The following FSIP1 variants were observed in gnomAD, a reference collection of about 807,000 sequenced individuals.
FSIP1 encodes fibrous sheath-interacting protein 1.
Under a neutral mutation model 60.9 loss-of-function variants are expected in FSIP1, and 65 were observed. The observed-to-expected ratio is 1.07, with a 90% CI of 0.87 to 1.31. The LOEUF (loss-of-function observed/expected upper bound fraction) is 1.31. Ranked by LOEUF, FSIP1 falls within the 40% of genes most tolerant of loss-of-function variation. The pLI, the probability that FSIP1 is intolerant of heterozygous loss-of-function variation, is 0.00. For synonymous variants in FSIP1, 209 were observed against 221.2 expected, an observed-to-expected ratio of 0.94 and a Z score of 0.49; for missense variants, 675 against 665.5, an observed-to-expected ratio of 1.01 and a Z score of -0.16.
intron 10 of FSIP1, among the ~76,000 whole-genome samples, chr15:39,626,836 T>C (rs1264481357): frequency 6.6e-6 from 1 of 152,172 alleles, no homozygotes; most frequent in Admixed American, 6.5e-5. Context: ...TGAATACAGT[T>C]AGACAAGGCT....
chr15:39,613,236 A>C (rs1033036563), intron 11 of FSIP1, among the ~76,000 whole-genome samples: 34 of 152,206 alleles, frequency 2.2e-4, no homozygotes, highest in African/African-American at 8.2e-4. Flanking sequence ...TGCTTATTTA[A>C]AACAAAACGA....
chr15:39,621,458 G>C (rs1211438953), intron 10 of FSIP1, among the ~76,000 whole-genome samples: 1 of 152,180 alleles, frequency 6.6e-6, no homozygotes, highest in Non-Finnish European at 1.5e-5. Flanking sequence ...ACTAGAACCT[G>C]GGCTTCTATC....
chr15:39,680,308 A>C (rs1894109384), intron 10 of FSIP1, among the ~76,000 whole-genome samples: 1 of 152,250 alleles, frequency 6.6e-6, no homozygotes, highest in Non-Finnish European at 1.5e-5. Context: ...CTTAGAGTGT[A>C]TTTATTCAGA....
intron 10 of FSIP1, among the ~76,000 whole-genome samples, chr15:39,688,592 T>A (rs1894476296): frequency 6.6e-6 from 1 of 152,202 alleles, no homozygotes; most frequent in Non-Finnish European, 1.5e-5. Context: ...ATCTGTACTA[T>A]GATTTCTAGA....
At chr15:39,647,098 G>A (rs751470816) in intron 10 of FSIP1, among the ~76,000 whole-genome samples, 7 of 152,182 alleles carry the variant, frequency 4.6e-5, no homozygotes, top group Non-Finnish European at 1.0e-4. Context: ...CAGGGATGTG[G>A]TGAGACTGGT....
intron 11 of FSIP1, among the ~76,000 whole-genome samples, chr15:39,610,226 T>C (rs1244588204): frequency 6.6e-6 from 1 of 151,974 alleles, no homozygotes; most frequent in African/African-American, 2.4e-5. Flanking sequence ...AAGAAAGATA[T>C]GATAAAGAAA....
intron 10 of FSIP1, among the ~76,000 whole-genome samples, chr15:39,628,407 G>A (rs897048201): frequency 6.6e-5 from 10 of 152,176 alleles, no homozygotes; most frequent in Non-Finnish European, 1.0e-4. Context: ...AGACGTAGGA[G>A]GCCTGCTTTC....
At chr15:39,761,431 A>G (rs1433839735) in intron 5 of FSIP1, among the ~76,000 whole-genome samples, 3 of 152,236 alleles carry the variant, frequency 2.0e-5, no homozygotes, top group Non-Finnish European at 4.4e-5. Flanking sequence ...CAACATGAAT[A>G]GAATTAGAGG....
chr15:39,746,408 A>G (rs979029068), intron 5 of FSIP1, among the ~76,000 whole-genome samples: 19 of 152,240 alleles, frequency 1.2e-4, no homozygotes, highest in African/African-American at 4.3e-4. Flanking sequence ...CCGCTGTCAT[A>G]CTTCTTTCTA....
chr15:39,768,489 A>C (rs1258330732), intron 3 of FSIP1, among the ~76,000 whole-genome samples: 1 of 152,270 alleles, frequency 6.6e-6, no homozygotes, highest in Admixed American at 6.5e-5. Flanking sequence ...CATAAGTATC[A>C]CATTTTATAA....
intron 10 of FSIP1, among the ~76,000 whole-genome samples, chr15:39,692,585 C>T (rs935237598): frequency 1.3e-5 from 2 of 152,140 alleles, no homozygotes; most frequent in African/African-American, 4.8e-5. Context: ...AAGGAGAGTA[C>T]TAAACCCTCA....
intron 10 of FSIP1, among the ~76,000 whole-genome samples, chr15:39,649,720 C>T (rs1261689560): frequency 6.6e-6 from 1 of 152,212 alleles, no homozygotes; most frequent in Non-Finnish European, 1.5e-5. Flanking sequence ...TGCCCAGGAA[C>T]CAACAAAGCG....
chr15:39,599,825 G>C (rs1890577163), downstream of FSIP1, among the ~76,000 whole-genome samples: 1 of 152,106 alleles, frequency 6.6e-6, no homozygotes, highest in Non-Finnish European at 1.5e-5. Context: ...ATTATACGTA[G>C]CACATTGACA....
chr15:39,675,147 G>A (rs2140476410), intron 10 of FSIP1, among the ~76,000 whole-genome samples: 1 of 152,082 alleles, frequency 6.6e-6, no homozygotes, highest in East Asian at 1.9e-4. Flanking sequence ...TCACATAATT[G>A]GCAAAAATTT....
At chr15:39,764,855 C>T (rs1051626092) in intron 4 of FSIP1, among the ~76,000 whole-genome samples, 8 of 152,172 alleles carry the variant, frequency 5.3e-5, no homozygotes, top group African/African-American at 1.9e-4. Flanking sequence ...ATAAAGCTAA[C>T]CAGAGGGTTA....
chr15:39,616,729 G>C (rs188195505), intron 11 of FSIP1, among the ~76,000 whole-genome samples: 1 of 152,222 alleles, frequency 6.6e-6, no homozygotes, highest in Non-Finnish European at 1.5e-5. Flanking sequence ...AGGCATTGGA[G>C]AGCCATAGAA....
At chr15:39,688,446 C>A (rs1041178820) in intron 10 of FSIP1, among the ~76,000 whole-genome samples, 1 of 152,122 alleles carries the variant, frequency 6.6e-6, no homozygotes, top group African/African-American at 2.4e-5. Flanking sequence ...CATGTAATTT[C>A]TTGAAAGCTG....
At chr15:39,628,763 T>TAAA (rs1891750430) in intron 10 of FSIP1, among the ~76,000 whole-genome samples, 1 of 152,210 alleles carries the variant, frequency 6.6e-6, no homozygotes, top group Admixed American at 6.5e-5. Flanking sequence ...TCCGGCTCTC[T>TAAA]CATTCCCCAG....
At chr15:39,773,662 T>C (rs991359183) in intron 2 of FSIP1, among the ~76,000 whole-genome samples, 3 of 152,236 alleles carry the variant, frequency 2.0e-5, no homozygotes, top group Non-Finnish European at 4.4e-5. Context: ...GTGAGACCCC[T>C]GTCTCTACTT....
Sources: gnomAD v4.1 joint callset for allele counts (sites outside exome capture counted in the v4.1 genomes callset) on GRCh38, gnomAD v4.1.1 for gene constraint, MANE v1.5 for transcripts, NCBI Gene and HGNC (gene_info 2026-07-23, HGNC 2026-07-21) for gene names.